PTH1R: variants seen among roughly 807,000 people sequenced by gnomAD.
PTH1R encodes parathyroid hormone/parathyroid hormone-related peptide receptor.
A neutral mutation model predicts 70.7 loss-of-function variants in PTH1R; 32 were observed. The observed-to-expected ratio is 0.45, with a 90% CI of 0.34 to 0.61. PTH1R has a LOEUF of 0.61. Ranked by LOEUF, PTH1R falls within the 20% of genes least tolerant of loss-of-function variation. The pLI is 0.01. For missense variants in PTH1R, 626 were observed against 792.5 expected (o/e 0.79, Z 2.52); for synonymous variants, 329 against 324.8 (o/e 1.01, Z -0.14).
chr3:46,897,726 C>T (rs1454220484), intron 5 of PTH1R, 129 bp from the exon 6 acceptor site: 13 of 875,260 alleles, frequency 1.5e-5, no homozygotes, highest in South Asian at 5.7e-5. Flanking sequence ...AGCGAAACTC[C>T]GTCTCAAAAA....
In PTH1R at chr3:46,892,610, C is replaced by T; in HGVS notation, c.76-1297C>T. Reference sequence around the variant, plus strand: ...GCCAAGAGACGCGGTCAATTAACTTCTCCCTGCAGCCAGGCTCTCTGACCC... The same window carrying T: ...GCCAAGAGACGCGGTCAATTAACTTTTCCCTGCAGCCAGGCTCTCTGACCC... On this transcript the variant is annotated intron_variant, in intron 3 of 15. Transcript: ENST00000449590. The surrounding 1 kb of genome is among the most constrained non-coding windows in gnomAD (Gnocchi z 5.2). 2.6e-6 allele frequency: 1 copy of T among 390,600 alleles called. No homozygotes were observed. Among genetic ancestry groups the T allele is most frequent in the Non-Finnish European group, 3.5e-6 (1 of 284,030 alleles). 24.2% of individuals were successfully genotyped at this position (390,600 alleles called of 1,614,324 possible). A position where few individuals can be genotyped will look rare whatever the true frequency, so the allele number is the denominator to read the frequency against.
Position 46,897,952 on chromosome 3 carries a change from C to T in PTH1R, c.411C>T (p.Asp137=). Residue 137 remains aspartate, a synonymous_variant, in exon 6 of 16, where the codon GAC becomes GAT. Coordinates refer to ENST00000449590, the MANE Select transcript of PTH1R (RefSeq NM_000316.3). ...TGCCCTGTCCGGACTACATTTATGACTTCAATCACAAAGGTGAGGCCTGCT... is the reference window on the plus strand; with the variant it reads ...TGCCCTGTCCGGACTACATTTATGATTTCAATCACAAAGGTGAGGCCTGCT... ...VAVPCPDYIY[D]FNHKGHAYRR... 1 of 1,614,118 alleles carries T rather than the reference C, an allele frequency of 6.2e-7. No homozygotes were observed. Among genetic ancestry groups the T allele is most frequent in the Non-Finnish European group, 8.5e-7 (1 of 1,180,020 alleles).
At position 46,892,679 on chromosome 3, in the gene PTH1R, C is replaced by T; in HGVS notation, c.76-1228C>T. On this transcript the variant is annotated intron_variant, in intron 3 of 15. Transcript: ENST00000449590. This position sits in a 1 kb window ranked among gnomAD's most constrained non-coding sequence, Gnocchi z 5.2. Reference sequence around the variant, plus strand: ...GCCGGTGCCCGCCCCATGCCCGACCCGCCTTCTTCCTCCCCTGCCTCCTCT... The same window carrying T: ...GCCGGTGCCCGCCCCATGCCCGACCTGCCTTCTTCCTCCCCTGCCTCCTCT... 1.0e-6 allele frequency: 1 copy of T among 969,476 alleles called. No homozygotes were observed. Among genetic ancestry groups the T allele is most frequent in the Non-Finnish European group, 1.2e-6 (1 of 814,798 alleles). The allele number at this position is 969,476 out of a possible 1,614,324, so 60.1% of individuals were successfully genotyped here.
intron 1 of PTH1R, among the ~76,000 whole-genome samples, chr3:46,878,119 C>T (rs1174718952): frequency 1.3e-5 from 2 of 152,224 alleles, no homozygotes; most frequent in African/African-American, 2.4e-5. Flanking sequence ...GTGCCCCCAT[C>T]GCCCCTCCCT....
chr3:46,903,687 A>C lies in PTH1R; in HGVS notation c.*31A>C, dbSNP rs1168049796. 1 of 1,603,108 alleles carries C rather than the reference A, an allele frequency of 6.2e-7. No homozygotes were observed. The highest frequency in any genetic ancestry group is 8.5e-7 in the Non-Finnish European group (1 of 1,179,930). ...CGCTGGGGGCTGGACCTGCTGACAT[A>C]GTGGATGGACAGATGGACCAAAAGA... On this transcript the variant is annotated 3_prime_UTR_variant, in exon 16 of 16. Transcript: ENST00000449590. The surrounding 1 kb of genome is among the most constrained non-coding windows in gnomAD (Gnocchi z 4.4).
Position 46,903,474 on chromosome 3 carries a change from C to T in PTH1R, c.1600C>T (p.Leu534=). Residue 534 remains leucine, a synonymous_variant, in exon 16 of 16, where the codon CTG becomes TTG. Coordinates refer to ENST00000449590, the MANE Select transcript of PTH1R (RefSeq NM_000316.3). This position sits in a 1 kb window ranked among gnomAD's most constrained non-coding sequence, Gnocchi z 4.4. ...PTATTNGHPQ[L]PGHAKPGTPA... is the part of the protein sequence containing the mutation. Reference sequence around the variant, plus strand: ...TGCCACCACCAACGGCCACCCTCAGCTGCCTGGCCATGCCAAGCCAGGGAC... The same window carrying T: ...TGCCACCACCAACGGCCACCCTCAGTTGCCTGGCCATGCCAAGCCAGGGAC... 1.2e-6 allele frequency: 2 copies of T among 1,613,724 alleles called. No homozygotes were observed. Among genetic ancestry groups the T allele is most frequent in the Non-Finnish European group, 1.7e-6 (2 of 1,180,004 alleles).
chr3:46,903,764 G>GA lies in PTH1R; in HGVS notation c.*108_*109insA. ...GGGCTGGGGCCAAGAGGAAAAACAG[G>GA]GAAAAAAAGAAAAAAAAAAGAAAAA... On this transcript the variant is annotated 3_prime_UTR_variant, in exon 16 of 16. Transcript: ENST00000449590. This position sits in a 1 kb window ranked among gnomAD's most constrained non-coding sequence, Gnocchi z 4.4. The GA allele has an allele frequency of 6.6e-7, 1 of 1,519,822 alleles. No homozygotes were observed. The highest frequency in any genetic ancestry group is 8.8e-7 in the Non-Finnish European group (1 of 1,134,540). The allele number at this position is 1,519,822 out of a possible 1,614,324, so 94.1% of individuals were successfully genotyped here. A position where few individuals can be genotyped will look rare whatever the true frequency, so the allele number is the denominator to read the frequency against.
chr3:46,878,663 A>AGCAAG (rs1381228893), intron 1 of PTH1R, among the ~76,000 whole-genome samples: 1 of 152,148 alleles, frequency 6.6e-6, no homozygotes, highest in Non-Finnish European at 1.5e-5. Context: ...CAGACAGCTG[A>AGCAAG]GCCTCTTGCC....
chr3:46,898,311 T>C (rs2031878983), intron 7 of PTH1R, 67 bp from the exon 8 acceptor site: 1 of 1,585,116 alleles, frequency 6.3e-7, no homozygotes, highest in Non-Finnish European at 8.7e-7. Context: ...CCCTGGCCTC[T>C]TGCTCTTACC....
At chr3:46,885,702 C>T (rs565062678) in intron 3 of PTH1R, among the ~76,000 whole-genome samples, 12 of 152,256 alleles carry the variant, frequency 7.9e-5, no homozygotes, top group South Asian at 6.2e-4. Flanking sequence ...TCCCTGGCTT[C>T]GGGGCCAGAA....
intron 10 of PTH1R, among the ~76,000 whole-genome samples, chr3:46,900,287 G>A (rs573943403): frequency 6.0e-4 from 91 of 152,328 alleles, no homozygotes; most frequent in African/African-American, 2.1e-3. Flanking sequence ...GGGCTAGGAG[G>A]TGTCCTAGTG....
rs2031470089 is a variant in PTH1R, at chr3:46,892,431, C to T, written c.76-1476C>T. ...GTGAGAACGCGCACGGACGGGCACA[C>T]ACAAGTGCACGCGCCGGCCACTCGA... On this transcript the variant is annotated intron_variant, in intron 3 of 15. Transcript: ENST00000449590. This position sits in a 1 kb window ranked among gnomAD's most constrained non-coding sequence, Gnocchi z 5.2. Among the ~76,000 whole-genome samples the T allele has an allele frequency of 6.6e-6, 1 of 152,246 alleles. No homozygotes were observed. The highest frequency in any genetic ancestry group is 2.4e-5 in the African/African-American group (1 of 41,468).
chr3:46,893,924 C>T lies in PTH1R; in HGVS notation c.93C>T (p.Val31=), dbSNP rs1016653806. 2.5e-6 allele frequency: 4 copies of T among 1,613,958 alleles called. No individual in the cohort carries two copies. In the African/African-American group the frequency reaches 4.0e-5, roughly 16 times the overall value. The change falls in exon 4 of 16, where the codon GTC becomes GTT. Residue 31 remains valine (V), a synonymous_variant. Transcript: ENST00000449590. The surrounding 1 kb of genome is among the most constrained non-coding windows in gnomAD (Gnocchi z 5.2). ...SAYALVDADD[V]MTKEEQIFLL... is the part of the protein sequence containing the mutation. The stretch of plus-strand genomic sequence containing the variant: ...CTTGGCAGGTGGATGCAGATGACGT[C>T]ATGACTAAAGAGGAACAGATCTTCC...
chr3:46,881,310 C>A (rs757602699), intron 2 of PTH1R, among the ~76,000 whole-genome samples, 192 bp downstream of exon 2: 3 of 152,206 alleles, frequency 2.0e-5, no homozygotes, highest in Admixed American at 2.0e-4. Context: ...AGAGCTCCAG[C>A]GTGCCCTCCC....
At position 46,901,872 on chromosome 3, in the gene PTH1R, A is replaced by G; in HGVS notation, c.1211+12A>G. On this transcript the variant is annotated intron_variant, in intron 13 of 15. Transcript: ENST00000449590. The surrounding 1 kb of genome is among the most constrained non-coding windows in gnomAD (Gnocchi z 7.3). ...CGGCAGCAGTACCGGTGAGCCCACC[A>G]TGCCTGCCATGCCCTGGCTCCTCAG... is the stretch of plus-strand genomic sequence containing the variant. 1 of 1,607,058 alleles carries G rather than the reference A, an allele frequency of 6.2e-7. No homozygotes were observed.
Position 46,877,757 on chromosome 3 carries a change from G to A in PTH1R, c.-192G>A, listed in dbSNP as rs983646870. 2.6e-5 allele frequency: 4 copies of A among 152,268 alleles called. No individual in the cohort carries two copies. The highest frequency in any genetic ancestry group is 7.2e-5 in the African/African-American group (3 of 41,466). 9.4% of individuals were successfully genotyped at this position (152,268 alleles called of 1,614,324 possible). On this transcript the variant is annotated 5_prime_UTR_variant, in exon 1 of 16. Coordinates refer to ENST00000449590, the MANE Select transcript of PTH1R (RefSeq NM_000316.3). ...TGCTTAGGCCTGAGCCACAGAAGCT[G>A]CTCAGGGACTATCCATGGCCTCCCC...
At position 46,895,876 on chromosome 3, in the gene PTH1R, C is replaced by T. The variant is rs757383132; in HGVS notation, c.313+7C>T. The T allele has an allele frequency of 3.1e-6, 5 of 1,612,212 alleles. No individual in the cohort carries two copies. In the East Asian group the frequency reaches 1.1e-4, roughly 36 times the overall value. ...ACTGGCAGCAGGTACCGAGGTACGT[C>T]TCTGCTTCCATGCATCCAGCTGGCA... On this transcript the variant is annotated splice_region_variant and intron_variant, in intron 5 of 15. Transcript: ENST00000449590.
At position 46,882,234 on chromosome 3, in the gene PTH1R, C is replaced by G. The variant is rs2030636226; in HGVS notation, c.-49+1116C>G. On this transcript the variant is annotated intron_variant, in intron 2 of 15. Coordinates refer to ENST00000449590, the MANE Select transcript of PTH1R (RefSeq NM_000316.3). The surrounding 1 kb of genome is among the most constrained non-coding windows in gnomAD (Gnocchi z 4.3). ...GGGCGCGGGGGAGGGAAGAGGCGCC[C>G]GGCCGGGGAGAAGGGGAGCGGCAGA... 1 of 151,600 alleles carries G rather than the reference C, an allele frequency of 6.6e-6. No homozygotes were observed. The highest frequency in any genetic ancestry group is 1.5e-5 in the Non-Finnish European group (1 of 67,826). 9.4% of individuals were successfully genotyped at this position (151,600 alleles called of 1,614,324 possible). A position where few individuals can be genotyped will look rare whatever the true frequency, so the allele number is the denominator to read the frequency against.
chr3:46,895,916 C>T (rs747430743), intron 5 of PTH1R, 47 bp downstream of exon 5: 6 of 1,597,504 alleles, frequency 3.8e-6, no homozygotes, highest in Non-Finnish European at 4.3e-6. Flanking sequence ...CTTGGATCCA[C>T]CCACCCCCAT....
Sources: gnomAD v4.1 joint callset for allele counts (sites outside exome capture counted in the v4.1 genomes callset) on GRCh38, gnomAD v4.1.1 for gene constraint, Gnocchi (gnomAD v3.1) non-coding constraint, MANE v1.5 for transcripts, NCBI Gene and HGNC (gene_info 2026-07-23, HGNC 2026-07-21) for gene names.